COL9A1: variants seen among roughly 807,000 people sequenced by gnomAD.
COL9A1 encodes collagen alpha-1(IX) chain.
In COL9A1, 104 loss-of-function variants were observed where a neutral mutation model predicts 142.6. That is an observed-to-expected ratio of 0.73 (90% CI 0.62 to 0.86). COL9A1 has a LOEUF of 0.86. COL9A1 is among the 40% of genes least tolerant of loss of function. The pLI, the probability that COL9A1 is intolerant of heterozygous loss-of-function variation, is 0.00. For missense variants in COL9A1, 1,210 were observed against 1,176.6 expected (o/e 1.03, Z -0.42); for synonymous variants, 466 against 396.0 (o/e 1.18, Z -2.10).
intron 33 of COL9A1, among the ~76,000 whole-genome samples, chr6:70,235,223 T>G (rs1769829848): frequency 6.6e-6 from 1 of 152,112 alleles, no homozygotes; most frequent in Non-Finnish European, 1.5e-5. Context: ...AGGAGGCCCA[T>G]GTGGGTGGAT....
At chr6:70,283,265 G>A in intron 6 of COL9A1, 2 of 1,432,646 alleles carry the variant, frequency 1.4e-6, no homozygotes, top group Non-Finnish European at 1.8e-6. Context: ...GGAGAGCTAG[G>A]GGGCAGGGGA....
chr6:70,283,646 G>A lies in COL9A1; in HGVS notation c.780+91C>T, dbSNP rs547685339. ...TTAGCGAAAGAGAGTGGGGAGGAGG[G>A]GTGCTGGGGAGGTGGCAAGATGGGA... is the stretch of plus-strand genomic sequence containing the variant. On this transcript the variant is annotated intron_variant, in intron 6 of 37. Coordinates refer to ENST00000357250, the MANE Select transcript of COL9A1 (RefSeq NM_001851.6). 111 of 893,184 alleles carry A rather than the reference G, an allele frequency of 1.2e-4. 1 individual carries two copies. The East Asian group carries it at 2.8e-3, about 22-fold the overall frequency. The allele number at this position is 893,184 out of a possible 1,614,324, so 55.3% of individuals were successfully genotyped here. A position where few individuals can be genotyped will look rare whatever the true frequency, so the allele number is the denominator to read the frequency against.
chr6:70,232,182 C>A (rs1347537443), intron 36 of COL9A1, among the ~76,000 whole-genome samples: 1 of 152,074 alleles, frequency 6.6e-6, no homozygotes, highest in African/African-American at 2.4e-5. Flanking sequence ...ATAACAAATA[C>A]AAATATCCTA....
chr6:70,283,656 A>T, intron 6 of COL9A1, 81 bp downstream of exon 6: 1 of 988,324 alleles, frequency 1.0e-6, no homozygotes, highest in Non-Finnish European at 1.6e-6. Flanking sequence ...GGTGCTGGGG[A>T]GGTGGCAAGA....
intron 37 of COL9A1, among the ~76,000 whole-genome samples, chr6:70,225,167 G>C (rs116678573): frequency 0.014 from 2,191 of 152,312 alleles, 53 homozygotes; most frequent in African/African-American, 0.049. Context: ...CAATAAGAGA[G>C]CGTTTGCTGG....
Position 70,234,519 on chromosome 6 carries a change from A to C in COL9A1, c.2314+20T>G. On this transcript the variant is annotated intron_variant, in intron 35 of 37. Coordinates refer to ENST00000357250, the MANE Select transcript of COL9A1 (RefSeq NM_001851.6). ...CAAGAGTTGATGGTGGAAAAAGTCA[A>C]ACCATTGTGATTTATTTACCTTGTA... 1 of 1,613,376 alleles carries C rather than the reference A, an allele frequency of 6.2e-7. No individual in the cohort carries two copies. Among genetic ancestry groups the C allele is most frequent in the South Asian group, 1.1e-5 (1 of 91,068 alleles).
Position 70,301,850 on chromosome 6 carries a change from A to T in COL9A1, c.88+151T>A, listed in dbSNP as rs9455035. 67,832 of 692,720 alleles carry T rather than the reference A, an allele frequency of 0.098. 5,285 individuals carry two copies. Among genetic ancestry groups the T allele is most frequent in the East Asian group, 0.26 (9,505 of 36,836 alleles). The allele number at this position is 692,720 out of a possible 1,614,324, so 42.9% of individuals were successfully genotyped here. ...CCAGCATTGACCATGGAAAACCAGA[A>T]CCTAATGTATCCCTGTGCCCCAAAG... On this transcript the variant is annotated intron_variant, in intron 2 of 37. Coordinates refer to ENST00000357250, the MANE Select transcript of COL9A1 (RefSeq NM_001851.6).
intron 12 of COL9A1, among the ~76,000 whole-genome samples, chr6:70,272,447 C>T (rs1250731190): frequency 6.6e-6 from 1 of 152,026 alleles, no homozygotes; most frequent in Non-Finnish European, 1.5e-5. Flanking sequence ...TCATTTGTAG[C>T]ATTTTATAGG....
intron 6 of COL9A1, 56 bp from the exon 7 acceptor site, chr6:70,282,974 A>C: frequency 6.2e-7 from 1 of 1,614,084 alleles, no homozygotes; most frequent in Non-Finnish European, 8.5e-7. Flanking sequence ...ACTCGATCGC[A>C]ACTTACTTGA....
At chr6:70,254,859 C>G (rs568786202) in intron 24 of COL9A1, 104 bp downstream of exon 24, 1 of 1,087,324 alleles carries the variant, frequency 9.2e-7, no homozygotes, top group African/African-American at 1.6e-5. Flanking sequence ...AAAGCCAAAG[C>G]TAGCTAAATA....
At chr6:70,283,127 A>G in intron 6 of COL9A1, 1 of 1,535,368 alleles carries the variant, frequency 6.5e-7, no homozygotes, top group South Asian at 1.2e-5. Context: ...ACCCGCCACT[A>G]GCATAGGTGG....
In COL9A1 at chr6:70,259,758, A is replaced by G. The variant is rs1583279264; in HGVS notation, c.1449+899T>C. On this transcript the variant is annotated intron_variant, in intron 20 of 37. Transcript: ENST00000357250. ...AACTAACTACTTATTTGTCTTGCCC[A>G]ATAAATAACTGACTTGATAAAGGTC... Among the ~76,000 whole-genome samples the G allele has an allele frequency of 2.6e-5, 4 of 152,088 alleles. No homozygotes were observed. In the South Asian group the frequency reaches 8.3e-4, roughly 32 times the overall value.
At chr6:70,240,861 C>T in intron 31 of COL9A1, 128 bp from the exon 32 acceptor site, 1 of 789,718 alleles carries the variant, frequency 1.3e-6, no homozygotes, top group Non-Finnish European at 2.3e-6. Context: ...ATACAAAATG[C>T]TCTCAGCGGC....
At chr6:70,276,062 T>C (rs1339169108) in intron 10 of COL9A1, among the ~76,000 whole-genome samples, 1 of 152,202 alleles carries the variant, frequency 6.6e-6, no homozygotes, top group East Asian at 1.9e-4. Context: ...TGAGTTGAAA[T>C]GTTAATTACT....
chr6:70,242,782 A>G (rs1770349173), intron 28 of COL9A1, 67 bp from the exon 29 acceptor site: 1 of 1,449,008 alleles, frequency 6.9e-7, no homozygotes, highest in Admixed American at 1.7e-5. Flanking sequence ...TACTATGTAA[A>G]TAAAATAACA....
chr6:70,241,323 G>C (rs1770242554), intron 31 of COL9A1, 96 bp downstream of exon 31: 2 of 1,021,058 alleles, frequency 2.0e-6, no homozygotes, highest in Admixed American at 3.4e-5. Flanking sequence ...AGCCTTCATG[G>C]TTTTATTAAC....
At chr6:70,298,621 A>C (rs1773938293) in intron 4 of COL9A1, among the ~76,000 whole-genome samples, 1 of 152,166 alleles carries the variant, frequency 6.6e-6, no homozygotes, top group Non-Finnish European at 1.5e-5. Flanking sequence ...GATGAGCAGG[A>C]GGTAAGGAAG....
At chr6:70,239,110 G>A (rs1363295650) in intron 33 of COL9A1, 144 bp downstream of exon 33, 19 of 604,410 alleles carry the variant, frequency 3.1e-5, no homozygotes, top group East Asian at 6.0e-5. Flanking sequence ...CTGCATTCAC[G>A]CCTGGGCGAC....
chr6:70,251,058 C>T (rs1258793398), intron 28 of COL9A1, among the ~76,000 whole-genome samples: 5 of 152,228 alleles, frequency 3.3e-5, no homozygotes, highest in African/African-American at 7.2e-5. Context: ...CTTTTCATAA[C>T]GGCCAAAAAA....
Sources: gnomAD v4.1 joint callset for allele counts (sites outside exome capture counted in the v4.1 genomes callset) on GRCh38, gnomAD v4.1.1 for gene constraint, MANE v1.5 for transcripts, NCBI Gene and HGNC (gene_info 2026-07-23, HGNC 2026-07-21) for gene names.